Variants in SPACA3 observed in about 807,000 individuals in gnomAD.
The protein encoded by SPACA3 is sperm acrosome membrane-associated protein 3.
A neutral mutation model predicts 24.5 loss-of-function variants in SPACA3; 21 were observed. The ratio of observed to expected loss-of-function variants is 0.86; its 90% CI spans 0.61 to 1.24. The LOEUF is 1.24. Ranked by LOEUF, SPACA3 falls within the 50% of genes most tolerant of loss-of-function variation. The pLI is 0.00. For missense variants in SPACA3, 278 were observed against 275.5 expected, an observed-to-expected ratio of 1.01 and a Z score of -0.06; for synonymous variants, 115 against 106.9, an observed-to-expected ratio of 1.08 and a Z score of -0.47.
intron 1 of SPACA3, 101 bp from the exon 2 acceptor site, chr17:32,995,308 C>T: frequency 8.6e-7 from 1 of 1,160,094 alleles, no homozygotes; most frequent in Non-Finnish European, 1.2e-6. Flanking sequence ...AGGGGCTGGT[C>T]TCGGGGTCAG....
intron 1 of SPACA3, among the ~76,000 whole-genome samples, chr17:32,993,858 A>T (rs543649677): frequency 1.3e-4 from 19 of 151,976 alleles, no homozygotes; most frequent in Admixed American, 3.9e-4. Flanking sequence ...CCGGGAGAGG[A>T]GGGACAACGG....
intron 1 of SPACA3, among the ~76,000 whole-genome samples, chr17:32,994,389 G>A (rs565639458): frequency 2.0e-5 from 3 of 152,330 alleles, no homozygotes; most frequent in African/African-American, 7.2e-5. Flanking sequence ...GATGGAGCAA[G>A]GAGCAGAGGG....
intron 2 of SPACA3, among the ~76,000 whole-genome samples, chr17:32,996,056 T>A (rs2091719648): frequency 6.6e-6 from 1 of 152,160 alleles, no homozygotes; most frequent in South Asian, 2.1e-4. Context: ...AACAGAGCAG[T>A]CATGCCAAAC....
rs769953429 is a variant in SPACA3, at chr17:32,991,913, C to T, written c.-26C>T. ...TCTTGAGCTGAAGCAGGGTTTTGAG[C>T]CACTGCTGCTGCTGCCATTGTCACC... On this transcript the variant is annotated 5_prime_UTR_variant, in exon 1 of 5. Transcript: ENST00000269053. 1 of 1,611,782 alleles carries T rather than the reference C, an allele frequency of 6.2e-7. No homozygotes were observed. Among genetic ancestry groups the T allele is most frequent in the Non-Finnish European group, 8.5e-7 (1 of 1,179,038 alleles).
At chr17:32,992,109 G>C (rs1303269546) in intron 1 of SPACA3, 137 bp downstream of exon 1, 1 of 323,354 alleles carries the variant, frequency 3.1e-6, no homozygotes, top group Non-Finnish European at 5.3e-6. Flanking sequence ...GCTGAGAGAG[G>C]AGAGAGAGAG....
At chr17:32,992,186 CAAAAAAAA>C (rs10591674) in intron 1 of SPACA3, among the ~76,000 whole-genome samples, 1 of 113,566 alleles carries the variant, frequency 8.8e-6, no homozygotes, top group African/African-American at 3.1e-5. Flanking sequence ...CACTTTTCTA[CAAAAAAAA>C]AAAAAAAAAA....
intron 1 of SPACA3, among the ~76,000 whole-genome samples, chr17:32,995,184 T>C (rs906553643): frequency 6.6e-6 from 1 of 152,200 alleles, no homozygotes; most frequent in East Asian, 1.9e-4. Flanking sequence ...TTCCTAGTTA[T>C]AAAATCTTGG....
intron 4 of SPACA3, 52 bp from the exon 5 acceptor site, chr17:32,997,660 C>T: frequency 6.3e-7 from 1 of 1,592,842 alleles, no homozygotes; most frequent in Non-Finnish European, 8.6e-7. Context: ...TGGGCGGTGA[C>T]TGGCAACTGC....
chr17:32,991,992 T>A lies in SPACA3; in HGVS notation c.34+20T>A. On this transcript the variant is annotated intron_variant, in intron 1 of 4. Coordinates refer to ENST00000269053, the MANE Select transcript of SPACA3 (RefSeq NM_173847.5). ...TGATCAGTGAGCCCCCTTTCCCTTCTTCCTGGGGCTGTTAACAGGGGCGCT... is the reference window on the plus strand; with the variant it reads ...TGATCAGTGAGCCCCCTTTCCCTTCATCCTGGGGCTGTTAACAGGGGCGCT... The A allele has an allele frequency of 6.2e-7, 1 of 1,613,398 alleles. No individual in the cohort carries two copies. Among genetic ancestry groups the A allele is most frequent in the Non-Finnish European group, 8.5e-7 (1 of 1,179,850 alleles).
intron 1 of SPACA3, among the ~76,000 whole-genome samples, chr17:32,992,186 CAA>C (rs10591674): frequency 0.31 from 34,816 of 113,720 alleles, 3,562 homozygotes; most frequent in East Asian, 0.41. Context: ...CACTTTTCTA[CAA>C]AAAAAAAAAA....
At chr17:32,995,349 G>A in intron 1 of SPACA3, 60 bp from the exon 2 acceptor site, 1 of 1,494,090 alleles carries the variant, frequency 6.7e-7, no homozygotes, top group Admixed American at 2.0e-5. Flanking sequence ...CAAGGGGGCT[G>A]ATACGTGCTG....
At chr17:32,993,114 A>T in intron 1 of SPACA3, 1 of 369,192 alleles carries the variant, frequency 2.7e-6, no homozygotes, top group South Asian at 2.1e-5. Flanking sequence ...AGGAGTGAAG[A>T]ATGACATTCA....
At position 32,997,786 on chromosome 17, in the gene SPACA3, G is replaced by A. The variant is rs987850688; in HGVS notation, c.*8G>A. 11 of 1,613,948 alleles carry A rather than the reference G, an allele frequency of 6.8e-6. No individual in the cohort carries two copies. Among genetic ancestry groups the A allele is most frequent in the African/African-American group, 5.3e-5 (4 of 74,892 alleles). On this transcript the variant is annotated 3_prime_UTR_variant, in exon 5 of 5. Coordinates refer to ENST00000269053, the MANE Select transcript of SPACA3 (RefSeq NM_173847.5). ...GATGGCTGTGACTTCTAGGATGGAC[G>A]GAACCATGCACAGCAGGCTGGGAAA...
chr17:32,993,997 GT>G (rs1355539144), intron 1 of SPACA3, among the ~76,000 whole-genome samples: 2 of 152,114 alleles, frequency 1.3e-5, no homozygotes, highest in African/African-American at 4.8e-5. Flanking sequence ...CTACTGATGA[GT>G]TTGCAAGTGA....
chr17:32,996,785 C>T, intron 2 of SPACA3, 58 bp from the exon 3 acceptor site: 1 of 1,439,186 alleles, frequency 6.9e-7, no homozygotes, highest in Middle Eastern at 1.9e-4. Context: ...CAGTGAGCAC[C>T]CTGGTCTGGG....
rs3052914 is a variant in SPACA3, at chr17:32,991,915, A to ACTG, written c.-13_-11dup. The ACTG allele has an allele frequency of 0.11, 171,254 of 1,612,706 alleles. 9,231 individuals are homozygous for ACTG. Among genetic ancestry groups the ACTG allele is most frequent in the East Asian group, 0.16 (7,032 of 44,762 alleles). On this transcript the variant is annotated 5_prime_UTR_variant, in exon 1 of 5. Coordinates refer to ENST00000269053, the MANE Select transcript of SPACA3 (RefSeq NM_173847.5). ...TTGAGCTGAAGCAGGGTTTTGAGCC[A>ACTG]CTGCTGCTGCTGCCATTGTCACCAT...
intron 4 of SPACA3, 68 bp from the exon 5 acceptor site, chr17:32,997,644 C>G: frequency 6.4e-7 from 1 of 1,569,704 alleles, no homozygotes; most frequent in Non-Finnish European, 8.8e-7. Flanking sequence ...CCTTCTTGTT[C>G]TTCTCTGGGC....
chr17:32,992,664 G>A (rs2091696632), intron 1 of SPACA3, among the ~76,000 whole-genome samples: 2 of 152,184 alleles, frequency 1.3e-5, no homozygotes, highest in African/African-American at 4.8e-5. Flanking sequence ...GACTCTCACT[G>A]GGGAACACAC....
In SPACA3 at chr17:32,996,968, A is replaced by G. The variant is rs2091726287; in HGVS notation, c.469A>G (p.Asn157Asp). The G allele has an allele frequency of 6.9e-6, 11 of 1,584,826 alleles. No individual in the cohort carries two copies. The highest frequency in any genetic ancestry group is 9.4e-6 in the Non-Finnish European group (11 of 1,165,710). ...SRRWCSNLTP[N>D]VPNVCRMYCS... is the part of the protein sequence containing the mutation. Reference sequence around the variant, plus strand: ...GAGGTGGTGCAGCAACCTCACCCCGAACGTCCCCAACGTGTGCCGGATGTA... The same window carrying G: ...GAGGTGGTGCAGCAACCTCACCCCGGACGTCCCCAACGTGTGCCGGATGTA... Residue 157 changes from asparagine to aspartate, a missense_variant, in exon 3 of 5, where the codon AAC becomes GAC. Asn to Asp is a conservative substitution (Grantham distance 23). Transcript: ENST00000269053.
Sources: gnomAD v4.1 joint callset for allele counts (sites outside exome capture counted in the v4.1 genomes callset) on GRCh38, gnomAD v4.1.1 for gene constraint, MANE v1.5 for transcripts, NCBI Gene and HGNC (gene_info 2026-07-23, HGNC 2026-07-21) for gene names.